Variants in RBFOX1 observed in about 807,000 individuals in gnomAD.
RBFOX1 encodes the protein RNA binding fox-1 homolog 1, also known as RNA binding protein fox-1 homolog 1.
In RBFOX1, 8 loss-of-function variants were observed where a neutral mutation model predicts 57.7. That is an observed-to-expected ratio of 0.14 (90% CI 0.08 to 0.25). The LOEUF (loss-of-function observed/expected upper bound fraction) is 0.25. Ranked by LOEUF, RBFOX1 falls within the 10% of genes least tolerant of loss-of-function variation. The probability of loss-of-function intolerance (pLI) is 1.00; values close to 1 mark genes in which losing one functional copy is unlikely to be tolerated. For synonymous variants in RBFOX1, 326 were observed against 222.4 expected, an observed-to-expected ratio of 1.47 and a Z score of -4.15; for missense variants, 611 against 548.5, an observed-to-expected ratio of 1.11 and a Z score of -1.14.
intron 1 of RBFOX1, among the ~76,000 whole-genome samples, chr16:5,308,811 C>G (rs2064006598): frequency 6.6e-6 from 1 of 151,520 alleles, no homozygotes; most frequent in Non-Finnish European, 1.5e-5. Context: ...TCTCTTGTGT[C>G]TTTTTCTGGA....
intron 1 of RBFOX1, among the ~76,000 whole-genome samples, chr16:5,456,352 G>A (rs567062595): frequency 1.3e-5 from 2 of 152,052 alleles, no homozygotes; most frequent in Admixed American, 6.6e-5. Flanking sequence ...AGTGAAACTC[G>A]CCTTGTCTGT....
intron 4 of RBFOX1, chr16:7,332,613 T>G: frequency 1.6e-5 from 4 of 249,236 alleles, no homozygotes; most frequent in South Asian, 1.3e-4. Context: ...TTCAGTAGGA[T>G]GAGCTTATAT....
chr16:7,125,287 T>C lies in RBFOX1; in HGVS notation c.27+73189T>C, dbSNP rs147452683. Among the ~76,000 whole-genome samples the C allele has an allele frequency of 1.1e-4, 17 of 152,232 alleles. No individual in the cohort carries two copies. In the East Asian group the frequency reaches 3.1e-3, roughly 28 times the overall value. ...GCCTTTCTAACCTGCAGCATCCTCA[T>C]TTGTGCAGTGGGCATAGAAATCCAC... On this transcript the variant is annotated intron_variant, in intron 4 of 15. Coordinates refer to ENST00000550418, the MANE Select transcript of RBFOX1 (RefSeq NM_018723.4).
At chr16:5,875,552 G>T (rs753142522) in intron 4 of RBFOX1, among the ~76,000 whole-genome samples, 4 of 152,182 alleles carry the variant, frequency 2.6e-5, no homozygotes, top group Non-Finnish European at 4.4e-5. Context: ...TATTTGGTGC[G>T]TAAGTAGTCC....
At chr16:6,833,602 G>A (rs2092871757) in intron 3 of RBFOX1, among the ~76,000 whole-genome samples, 1 of 152,208 alleles carries the variant, frequency 6.6e-6, no homozygotes, top group Admixed American at 6.5e-5. Flanking sequence ...CTGTTAGTAT[G>A]TTGTTAAAGT....
intron 3 of RBFOX1, among the ~76,000 whole-genome samples, chr16:7,024,417 T>C (rs1048875679): frequency 4.6e-5 from 7 of 152,322 alleles, no homozygotes; most frequent in African/African-American, 1.7e-4. Context: ...ATTATTTTTC[T>C]GTTTGGGGAA....
chr16:6,028,509 TAAAAAA>T (rs36218292), intron 1 of RBFOX1, among the ~76,000 whole-genome samples: 11,370 of 104,520 alleles, frequency 0.11, 1,038 homozygotes, highest in African/African-American at 0.27. Flanking sequence ...CTGTCTCTGT[TAAAAAA>T]AAAAAAAAAA....
intron 3 of RBFOX1, among the ~76,000 whole-genome samples, chr16:6,984,241 C>G (rs757643554): frequency 1.3e-5 from 2 of 152,126 alleles, no homozygotes; most frequent in South Asian, 2.1e-4. Context: ...GAGTAAAACT[C>G]CATCTTAAAC....
In RBFOX1 at chr16:7,236,665, C is replaced by T. The variant is rs140335018; in HGVS notation, c.27+184567C>T. Among the ~76,000 whole-genome samples the T allele has an allele frequency of 9.9e-5, 15 of 152,182 alleles. No individual in the cohort carries two copies. The East Asian group carries it at 2.9e-3, about 29-fold the overall frequency. ...CTATGTGGCTTTTAGTAGTTGTTTG[C>T]AGAAGTAATTTAGTAACTTTACTTT... On this transcript the variant is annotated intron_variant, in intron 4 of 15. Coordinates refer to ENST00000550418, the MANE Select transcript of RBFOX1 (RefSeq NM_018723.4).
At chr16:6,304,602 G>A (rs536840085) in intron 1 of RBFOX1, among the ~76,000 whole-genome samples, 4 of 152,254 alleles carry the variant, frequency 2.6e-5, no homozygotes, top group African/African-American at 9.6e-5. Flanking sequence ...CTGTGTTGGT[G>A]ACCAGCATGG....
At chr16:5,619,066 C>T (rs185867580) in intron 3 of RBFOX1, among the ~76,000 whole-genome samples, 4 of 152,228 alleles carry the variant, frequency 2.6e-5, no homozygotes, top group Non-Finnish European at 4.4e-5. Flanking sequence ...CTAGTCTATT[C>T]ACAGTCACCG....
At chr16:7,296,631 C>G (rs1484969454) in intron 4 of RBFOX1, among the ~76,000 whole-genome samples, 2 of 152,136 alleles carry the variant, frequency 1.3e-5, no homozygotes, top group Non-Finnish European at 2.9e-5. Context: ...TCTGTAGATG[C>G]AGAACACCTG....
At chr16:5,468,575 C>A (rs2069027525) in intron 2 of RBFOX1, among the ~76,000 whole-genome samples, 1 of 152,202 alleles carries the variant, frequency 6.6e-6, no homozygotes. Context: ...TTGCTGAGAA[C>A]AGGTACTCAA....
At chr16:7,360,814 A>G (rs2097306289) in intron 4 of RBFOX1, among the ~76,000 whole-genome samples, 1 of 152,120 alleles carries the variant, frequency 6.6e-6, no homozygotes, top group South Asian at 2.1e-4. Flanking sequence ...CAGTGCCATT[A>G]ATTAGGCTTG....
At chr16:6,103,987 T>A (rs753787341) in intron 1 of RBFOX1, among the ~76,000 whole-genome samples, 1 of 152,152 alleles carries the variant, frequency 6.6e-6, no homozygotes, top group Non-Finnish European at 1.5e-5. Context: ...CAGCTTATTG[T>A]CCTCTTCCTC....
intron 2 of RBFOX1, among the ~76,000 whole-genome samples, chr16:6,646,842 T>C (rs1005092997): frequency 8.5e-5 from 13 of 152,058 alleles, no homozygotes; most frequent in African/African-American, 3.1e-4. Flanking sequence ...TTTTCCTGAC[T>C]CAGTGTCCGA....
chr16:6,282,355 G>GTTTTTTTTTTTT (rs151272388), intron 1 of RBFOX1, among the ~76,000 whole-genome samples: 2 of 125,258 alleles, frequency 1.6e-5, no homozygotes, highest in African/African-American at 5.8e-5. Flanking sequence ...TACCTTGTCT[G>GTTTTTTTTTTTT]TTTTTTTTTT....
At chr16:6,484,742 TGAA>T (rs1473093589) in intron 2 of RBFOX1, among the ~76,000 whole-genome samples, 1 of 152,178 alleles carries the variant, frequency 6.6e-6, no homozygotes, top group Non-Finnish European at 1.5e-5. Flanking sequence ...AGCAGAATTG[TGAA>T]TCCAAAAGTT....
chr16:6,941,331 C>T (rs1245711822), intron 3 of RBFOX1, among the ~76,000 whole-genome samples: 1 of 140,032 alleles, frequency 7.1e-6, no homozygotes, highest in African/African-American at 2.7e-5. Flanking sequence ...TCCTTCCTTC[C>T]TTCCTTCCTT....
Sources: gnomAD v4.1 joint callset for allele counts (sites outside exome capture counted in the v4.1 genomes callset) on GRCh38, gnomAD v4.1.1 for gene constraint, MANE v1.5 for transcripts, NCBI Gene and HGNC (gene_info 2026-07-23, HGNC 2026-07-21) for gene names.